CDH15: variants seen among roughly 807,000 people sequenced by gnomAD.
CDH15 encodes cadherin-15.
Under a neutral mutation model 69.4 loss-of-function variants are expected in CDH15, and 73 were observed. The ratio of observed to expected loss-of-function variants is 1.05; its 90% CI spans 0.87 to 1.28. The LOEUF (loss-of-function observed/expected upper bound fraction) is 1.28. CDH15 is among the 50% of genes most tolerant of loss of function. The pLI is 0.00. For missense variants in CDH15, 1,343 were observed against 1,133.6 expected (o/e 1.18, Z -2.65); for synonymous variants, 624 against 507.7 (o/e 1.23, Z -3.08).
At chr16:89,183,809 C>T (rs1254388217) in intron 4 of CDH15, 117 bp downstream of exon 4, 1 of 1,109,058 alleles carries the variant, frequency 9.0e-7, no homozygotes, top group East Asian at 2.6e-5. Context: ...AATAAGTAAA[C>T]AAGTCTCCGA....
intron 1 of CDH15, among the ~76,000 whole-genome samples, chr16:89,173,813 C>G (rs1426353668): frequency 6.6e-6 from 1 of 152,348 alleles, no homozygotes; most frequent in South Asian, 2.1e-4. Context: ...GAACTGGCCC[C>G]TCTCAGCCCT....
chr16:89,186,623 G>C (rs1313771551), intron 5 of CDH15, among the ~76,000 whole-genome samples: 1 of 135,044 alleles, frequency 7.4e-6, no homozygotes, highest in Non-Finnish European at 1.6e-5. Context: ...CACAGTAGGT[G>C]CTCTGTAAAC....
intron 1 of CDH15, among the ~76,000 whole-genome samples, chr16:89,178,797 A>G (rs1160452231): frequency 1.3e-5 from 2 of 152,136 alleles, no homozygotes; most frequent in Non-Finnish European, 2.9e-5. Context: ...AGTTCCCACA[A>G]AGCAGCCTGG....
Position 89,183,577 on chromosome 16 carries a change from A to G in CDH15, c.387A>G (p.Gly129=), listed in dbSNP as rs147301479. The G allele has an allele frequency of 5.0e-3, 8,077 of 1,614,078 alleles. 49 individuals carry two copies. Among genetic ancestry groups the G allele is most frequent in the Middle Eastern group, 8.1e-3 (49 of 6,062 alleles). ...RLRAFALDLG[G]STLEDPTDLE... ...GAGCGTTTGCCCTGGACCTGGGAGGATCCACCCTGGAGGACCCCACGGACC... is the reference window on the plus strand; with the variant it reads ...GAGCGTTTGCCCTGGACCTGGGAGGGTCCACCCTGGAGGACCCCACGGACC... Residue 129 remains glycine, a synonymous_variant, in exon 4 of 14, where the codon GGA becomes GGG. Transcript: ENST00000289746.
At chr16:89,181,003 T>G (rs1262230544) in intron 3 of CDH15, among the ~76,000 whole-genome samples, 1 of 146,832 alleles carries the variant, frequency 6.8e-6, no homozygotes, top group Non-Finnish European at 1.5e-5. Flanking sequence ...GGAGCTTCAC[T>G]CTACCGCCCA....
At chr16:89,186,629 T>G (rs1274278896) in intron 5 of CDH15, among the ~76,000 whole-genome samples, 1 of 133,782 alleles carries the variant, frequency 7.5e-6, no homozygotes, top group African/African-American at 2.9e-5. Context: ...AGGTGCTCTG[T>G]AAACGCTCAC....
chr16:89,191,937 C>T (rs900224643), intron 10 of CDH15, 43 bp downstream of exon 10: 2 of 1,499,004 alleles, frequency 1.3e-6, no homozygotes, highest in Non-Finnish European at 1.8e-6. Context: ...CCCCACGCTC[C>T]CCCCACCCCC....
chr16:89,185,887 G>A (rs546625121), intron 5 of CDH15: 1 of 200,746 alleles, frequency 5.0e-6, no homozygotes, highest in African/African-American at 2.3e-5. Flanking sequence ...TAGGTGCTCT[G>A]TAAACACCCA....
At chr16:89,189,792 C>A (rs148656887) in intron 7 of CDH15, among the ~76,000 whole-genome samples, 1 of 152,224 alleles carries the variant, frequency 6.6e-6, no homozygotes, top group East Asian at 1.9e-4. Context: ...TTGGCTCATG[C>A]GGTGCTGGGG....
rs760535755 is a variant in CDH15, at chr16:89,185,401, GC to G, written c.663+73del. The G allele has an allele frequency of 8.0e-6, 12 of 1,507,244 alleles. No homozygotes were observed. In the South Asian group the frequency reaches 8.4e-5, roughly 11 times the overall value. The allele number at this position is 1,507,244 out of a possible 1,614,324, so 93.4% of individuals were successfully genotyped here. ...CAGCCCATCTCCTGCGGGTCCCTCT[GC>G]CCCCAGCCTGCCCACCCCAGACGCT... On this transcript the variant is annotated intron_variant, in intron 5 of 13. Coordinates refer to ENST00000289746, the MANE Select transcript of CDH15 (RefSeq NM_004933.3).
At chr16:89,176,402 G>A (rs911400950) in intron 1 of CDH15, among the ~76,000 whole-genome samples, 2 of 152,148 alleles carry the variant, frequency 1.3e-5, no homozygotes, top group Non-Finnish European at 2.9e-5. Flanking sequence ...GGCCCAGCTG[G>A]CCCAGCTCTG....
chr16:89,188,043 C>A, intron 6 of CDH15, 57 bp from the exon 7 acceptor site: 1 of 1,500,294 alleles, frequency 6.7e-7, no homozygotes. Context: ...CCTGAGGGCC[C>A]CACCCATGCT....
chr16:89,175,057 A>G (rs1208763978), intron 1 of CDH15, among the ~76,000 whole-genome samples: 10 of 151,996 alleles, frequency 6.6e-5, no homozygotes. Flanking sequence ...ACCCACACCC[A>G]CATTGGCCGT....
chr16:89,193,351 C>A, intron 11 of CDH15, 119 bp from the exon 12 acceptor site: 7 of 498,700 alleles, frequency 1.4e-5, no homozygotes, highest in East Asian at 4.1e-5. Context: ...GCCCCCTCAA[C>A]CCCACCCCTG....
At chr16:89,183,342 C>T (rs1951238119) in intron 3 of CDH15, 1 of 593,278 alleles carries the variant, frequency 1.7e-6, no homozygotes, top group Non-Finnish European at 3.0e-6. Flanking sequence ...GGCACCTGCC[C>T]TGTCTGCTAA....
In CDH15 at chr16:89,192,370, C is replaced by A; in HGVS notation, c.1781C>A (p.Ala594Glu). ...KDGVCLPGAA[A>E]LLAGGTGLSL... ...GGCGTCTGCCTGCCGGGGGCCGCAG[C>A]GCTGCTGGCGGGGGGCACAGGCCTC... Residue 594 changes from alanine to glutamate, a missense_variant, in exon 11 of 14, where the codon GCG becomes GAG. Transcript: ENST00000289746. The A allele has an allele frequency of 1.3e-6, 2 of 1,538,084 alleles. No homozygotes were observed. Among genetic ancestry groups the A allele is most frequent in the South Asian group, 1.2e-5 (1 of 84,364 alleles).
At chr16:89,175,842 C>G (rs1915245189) in intron 1 of CDH15, among the ~76,000 whole-genome samples, 1 of 152,218 alleles carries the variant, frequency 6.6e-6, no homozygotes, top group South Asian at 2.1e-4. Context: ...AAAGCGTTTG[C>G]TACTCTCTGG....
chr16:89,192,039 G>A (rs1211418115), intron 10 of CDH15, 145 bp downstream of exon 10: 30 of 1,131,004 alleles, frequency 2.7e-5, no homozygotes, highest in Middle Eastern at 2.9e-4. Flanking sequence ...CCCCACCACT[G>A]CATCCTCCCG....
intron 4 of CDH15, among the ~76,000 whole-genome samples, chr16:89,184,839 G>A (rs1915447838): frequency 6.6e-6 from 1 of 152,182 alleles, no homozygotes; most frequent in South Asian, 2.1e-4. Context: ...CACTGGGCAG[G>A]CCCAGGAGCC....
Sources: gnomAD v4.1 joint callset for allele counts (sites outside exome capture counted in the v4.1 genomes callset) on GRCh38, gnomAD v4.1.1 for gene constraint, MANE v1.5 for transcripts, NCBI Gene and HGNC (gene_info 2026-07-23, HGNC 2026-07-21) for gene names.